The following PLEKHB2 variants were observed in gnomAD, a reference collection of about 807,000 sequenced individuals.
The protein encoded by PLEKHB2 is pleckstrin homology domain-containing family B member 2.
In PLEKHB2, 31 loss-of-function variants were observed where a neutral mutation model predicts 36.5. The ratio of observed to expected loss-of-function variants is 0.85; its 90% confidence interval spans 0.64 to 1.15. The LOEUF (loss-of-function observed/expected upper bound fraction) is 1.15, where lower values mean the gene tolerates loss of function less well. Ranked by LOEUF, PLEKHB2 falls within the 50% of genes most tolerant of loss-of-function variation. PLEKHB2 has a pLI of 0.00. For missense variants in PLEKHB2, 262 were observed against 295.3 expected, an observed-to-expected ratio of 0.89 and a Z score of 0.83; for synonymous variants, 119 against 112.0, an observed-to-expected ratio of 1.06 and a Z score of -0.39.
intron 1 of PLEKHB2, among the ~76,000 whole-genome samples, chr2:131,120,081 G>A (rs113813802): frequency 0.022 from 3,355 of 151,236 alleles, 126 homozygotes; most frequent in African/African-American, 0.077. Context: ...CAGTTCTCCT[G>A]CCTCAGCCTC....
chr2:131,125,694 C>T lies in PLEKHB2; in HGVS notation c.38-59C>T, dbSNP rs147188640. The T allele has an allele frequency of 1.4e-3, 2,014 of 1,459,094 alleles. 19 individuals carry two copies. In the African/African-American group the frequency reaches 0.023, roughly 17 times the overall value. 90.4% of individuals were successfully genotyped at this position (1,459,094 alleles called of 1,614,324 possible). ...AATAGCCACTGCATTCCAACTTGGG[C>T]GAAATAGTAAGACTGTCTCTAAAAA... On this transcript the variant is annotated intron_variant, in intron 2 of 7. Transcript: ENST00000693505.
chr2:131,110,501 G>A (rs62177463), intron 1 of PLEKHB2, among the ~76,000 whole-genome samples: 7 of 152,108 alleles, frequency 4.6e-5, no homozygotes, highest in African/African-American at 1.2e-4. Flanking sequence ...TCAGTCTCCC[G>A]AGTAGGTGGG....
Position 131,127,093 on chromosome 2 carries a change from A to G in PLEKHB2, c.293+307A>G, listed in dbSNP as rs112830317. On this transcript the variant is annotated intron_variant, in intron 4 of 7. Transcript: ENST00000693505. ...TTGAAATAAAATGACCAGAAAAGCAAGAAAGTAAAGAGTAAGGAAACTGTC... is the reference window on the plus strand; with the variant it reads ...TTGAAATAAAATGACCAGAAAAGCAGGAAAGTAAAGAGTAAGGAAACTGTC... The G allele has an allele frequency of 2.7e-5, 7 of 263,814 alleles. 1 individual carries two copies. Among genetic ancestry groups the G allele is most frequent in the African/African-American group, 1.4e-4 (6 of 44,200 alleles). The allele number at this position is 263,814 out of a possible 1,614,324, so 16.3% of individuals were successfully genotyped here.
chr2:131,106,568 C>T (rs1313462776), intron 1 of PLEKHB2, among the ~76,000 whole-genome samples: 3 of 152,144 alleles, frequency 2.0e-5, no homozygotes, highest in African/African-American at 4.8e-5. Context: ...GCCTAAGGAC[C>T]TGTGGGGGTG....
chr2:131,133,122 A>C, intron 6 of PLEKHB2, 131 bp downstream of exon 6: 1 of 634,728 alleles, frequency 1.6e-6, no homozygotes, highest in Non-Finnish European at 2.8e-6. Flanking sequence ...ATGATTTCTT[A>C]TCAACGTTTG....
intron 1 of PLEKHB2, chr2:131,107,962 C>G (rs899741026): frequency 6.6e-6 from 1 of 152,306 alleles, no homozygotes; most frequent in Non-Finnish European, 1.5e-5. Context: ...ACGCGCCTGG[C>G]CAATTCTCAC....
intron 6 of PLEKHB2, among the ~76,000 whole-genome samples, chr2:131,137,289 CA>C (rs1453296266): frequency 6.6e-6 from 1 of 152,184 alleles, no homozygotes; most frequent in Non-Finnish European, 1.5e-5. Context: ...ATCTATTTGT[CA>C]CAGTTCTGGA....
At chr2:131,132,048 G>C (rs1697760937) in intron 5 of PLEKHB2, among the ~76,000 whole-genome samples, 1 of 151,954 alleles carries the variant, frequency 6.6e-6, no homozygotes, top group Admixed American at 6.6e-5. Context: ...TGGTCAGGCT[G>C]GTCTCAACTC....
chr2:131,113,085 G>T (rs1038657247), intron 1 of PLEKHB2, among the ~76,000 whole-genome samples: 1 of 109,300 alleles, frequency 9.1e-6, no homozygotes, highest in South Asian at 3.0e-4. Context: ...GTTCGCTGAA[G>T]AATTTTTTTT....
At chr2:131,119,727 T>A (rs1203774922) in intron 1 of PLEKHB2, among the ~76,000 whole-genome samples, 1 of 152,186 alleles carries the variant, frequency 6.6e-6, no homozygotes, top group African/African-American at 2.4e-5. Context: ...TTGCTGGGTG[T>A]CTTGGAGGTT....
At chr2:131,105,987 G>T (rs914466738) in intron 1 of PLEKHB2, among the ~76,000 whole-genome samples, 1 of 152,146 alleles carries the variant, frequency 6.6e-6, no homozygotes, top group Non-Finnish European at 1.5e-5. Context: ...TCGCGGTGCG[G>T]TCCGCCCCCG....
At chr2:131,120,536 A>T (rs763635082) in intron 1 of PLEKHB2, 7 of 249,064 alleles carry the variant, frequency 2.8e-5, no homozygotes, top group Non-Finnish European at 5.5e-5. Flanking sequence ...TGCTGACACC[A>T]GTGCAGCACC....
At chr2:131,106,763 G>C (rs1264456462) in intron 1 of PLEKHB2, among the ~76,000 whole-genome samples, 1 of 152,106 alleles carries the variant, frequency 6.6e-6, no homozygotes, top group Non-Finnish European at 1.5e-5. Flanking sequence ...TATTCGTACT[G>C]ATCTCCCTGA....
chr2:131,117,466 G>C (rs983614646), intron 1 of PLEKHB2, among the ~76,000 whole-genome samples: 4 of 152,152 alleles, frequency 2.6e-5, no homozygotes, highest in Non-Finnish European at 4.4e-5. Flanking sequence ...CAGAAGTTCA[G>C]GAGACTCCTG....
chr2:131,142,962 G>C (rs190977573), intron 7 of PLEKHB2, among the ~76,000 whole-genome samples: 1 of 152,138 alleles, frequency 6.6e-6, no homozygotes, highest in East Asian at 1.9e-4. Flanking sequence ...CTTTCCGATG[G>C]TGCGAAAACA....
At chr2:131,117,153 T>C (rs1361506356) in intron 1 of PLEKHB2, among the ~76,000 whole-genome samples, 1 of 151,044 alleles carries the variant, frequency 6.6e-6, no homozygotes, top group Non-Finnish European at 1.5e-5. Flanking sequence ...CAAATTAATA[T>C]CAAGAACCAT....
rs1471112372 is a variant in PLEKHB2 at position 131,133,010 on chromosome 2, C to T, written c.423+19C>T. The T allele has an allele frequency of 6.3e-7, 1 of 1,592,252 alleles. No individual in the cohort carries two copies. The highest frequency in any genetic ancestry group is 8.6e-7 in the Non-Finnish European group (1 of 1,160,250). On this transcript the variant is annotated intron_variant, in intron 6 of 7. Transcript: ENST00000693505. ...CCCTGAGGTAGGGAGAACCCTGAGC[C>T]TCCAGGTGAGGGAAGTTTGGGGTCT...
chr2:131,144,857 C>T (rs1699126632), intron 7 of PLEKHB2, among the ~76,000 whole-genome samples: 2 of 152,182 alleles, frequency 1.3e-5, no homozygotes, highest in African/African-American at 4.8e-5. Flanking sequence ...CTCACAAGTT[C>T]TATTGTGTTA....
chr2:131,125,984 T>C, intron 3 of PLEKHB2, 79 bp downstream of exon 3: 1 of 1,393,282 alleles, frequency 7.2e-7, no homozygotes, highest in Non-Finnish European at 9.9e-7. Context: ...CTTCCTTCCC[T>C]GTTCTGCTTT....
Sources: allele counts gnomAD v4.1 joint callset (sites outside exome capture counted in the v4.1 genomes callset), GRCh38; gene constraint gnomAD v4.1.1; transcripts MANE v1.5; gene names NCBI Gene and HGNC (gene_info 2026-07-23, HGNC 2026-07-21).